RANBP2: variants seen among roughly 807,000 people sequenced by gnomAD.
RANBP2 encodes E3 SUMO-protein ligase RanBP2.
Under a neutral mutation model 303.6 loss-of-function variants are expected in RANBP2, and 57 were observed. The ratio of observed to expected loss-of-function variants is 0.19; its 90% CI spans 0.15 to 0.23. The LOEUF (loss-of-function observed/expected upper bound fraction) is 0.23. Among genes scored for constraint, RANBP2 ranks in the 10% least tolerant of loss-of-function variants. The pLI, the probability that RANBP2 is intolerant of heterozygous loss-of-function variation, is 1.00. For missense variants in RANBP2, 3,138 were observed against 3,780.8 expected (o/e 0.83, Z 4.46); for synonymous variants, 1,167 against 1,301.5 (o/e 0.90, Z 2.23).
the RANBP2 span, among the ~76,000 whole-genome samples, chr2:109,117,433 C>T: frequency 4.1e-3 from 627 of 152,326 alleles, 5 homozygotes; most frequent in African/African-American, 0.014. Flanking sequence ...TAGGACCCTC[C>T]GAGCTAGGTG....
chr2:109,162,022 C>T, the RANBP2 span, among the ~76,000 whole-genome samples: 1 of 152,122 alleles, frequency 6.6e-6, no homozygotes, highest in Non-Finnish European at 1.5e-5. Flanking sequence ...CTCCTCCAGC[C>T]CCCTCCTTGG....
At chr2:109,434,690 C>T in the RANBP2 span, among the ~76,000 whole-genome samples, 1 of 152,234 alleles carries the variant, frequency 6.6e-6, no homozygotes, top group African/African-American at 2.4e-5. Flanking sequence ...GGATGGACAG[C>T]TCTGCCCACG....
At chr2:109,013,847 G>A in the RANBP2 span, among the ~76,000 whole-genome samples, 2 of 152,142 alleles carry the variant, frequency 1.3e-5, no homozygotes, top group Admixed American at 1.3e-4. Context: ...AAAGTGCTGG[G>A]ATTACAGGCA....
chr2:108,915,652 C>T, the RANBP2 span, among the ~76,000 whole-genome samples: 1 of 152,186 alleles, frequency 6.6e-6, no homozygotes, highest in South Asian at 2.1e-4. Flanking sequence ...ATAATCCCAG[C>T]ACTTTGGGAG....
chr2:109,031,650 C>A, the RANBP2 span, among the ~76,000 whole-genome samples: 1 of 152,128 alleles, frequency 6.6e-6, no homozygotes, highest in Non-Finnish European at 1.5e-5. Flanking sequence ...GGGAAGCGCC[C>A]GCTGGAGGAA....
chr2:108,970,151 G>C, the RANBP2 span, among the ~76,000 whole-genome samples: 9 of 152,104 alleles, frequency 5.9e-5, no homozygotes, highest in Non-Finnish European at 1.3e-4. Flanking sequence ...GCACTGAGAG[G>C]GGAGCATCGC....
At chr2:109,030,462 G>T in the RANBP2 span, among the ~76,000 whole-genome samples, 2 of 152,204 alleles carry the variant, frequency 1.3e-5, no homozygotes, top group Non-Finnish European at 2.9e-5. Context: ...GTGTATAGTA[G>T]CACCTAGCAC....
At chr2:109,268,921 T>C in the RANBP2 span, among the ~76,000 whole-genome samples, 1 of 152,182 alleles carries the variant, frequency 6.6e-6, no homozygotes, top group African/African-American at 2.4e-5. Flanking sequence ...TGTAACCCCA[T>C]TATAAGTCAG....
At chr2:108,868,934 T>C in the RANBP2 span, among the ~76,000 whole-genome samples, 4 of 152,174 alleles carry the variant, frequency 2.6e-5, no homozygotes, top group African/African-American at 9.7e-5. Flanking sequence ...TCTATTTGAT[T>C]AAGCTATAAG....
At chr2:109,350,738 C>G in the RANBP2 span, among the ~76,000 whole-genome samples, 1 of 152,244 alleles carries the variant, frequency 6.6e-6, no homozygotes, top group Non-Finnish European at 1.5e-5. Flanking sequence ...CTCTGACAAC[C>G]TCCATGTGAA....
At chr2:109,634,174 C>T in the RANBP2 span, among the ~76,000 whole-genome samples, 1 of 138,612 alleles carries the variant, frequency 7.2e-6, no homozygotes, top group Non-Finnish European at 1.6e-5. Flanking sequence ...ATAGCTTTGA[C>T]TGAATGTATT....
chr2:108,797,794 T>A, the RANBP2 span, among the ~76,000 whole-genome samples: 1 of 152,094 alleles, frequency 6.6e-6, no homozygotes. Context: ...ATATAGGACA[T>A]GATGTATTCC....
intron 4 of RANBP2, 130 bp from the exon 5 acceptor site, chr2:108,735,402 A>G (rs1240152648): frequency 6.4e-7 from 1 of 1,555,688 alleles, no homozygotes; most frequent in Non-Finnish European, 8.7e-7. Context: ...TGAATAAGGT[A>G]TATAGGATGG....
chr2:109,251,390 C>T, the RANBP2 span: 1 of 676,350 alleles, frequency 1.5e-6, no homozygotes, highest in Non-Finnish European at 2.8e-6. Flanking sequence ...CATTCCTTTC[C>T]AAGGCATCTG....
the RANBP2 span, among the ~76,000 whole-genome samples, chr2:109,728,519 G>A: frequency 0.012 from 1,834 of 151,306 alleles, 37 homozygotes; most frequent in African/African-American, 0.042. Flanking sequence ...ACAGTGGCAC[G>A]ATCTTGGCTC....
the RANBP2 span, among the ~76,000 whole-genome samples, chr2:109,004,735 A>C: frequency 1.3e-5 from 2 of 152,116 alleles, no homozygotes; most frequent in Non-Finnish European, 2.9e-5. Context: ...TTCTGCCCTT[A>C]TTTCTTCCTT....
chr2:109,095,261 A>C, the RANBP2 span, among the ~76,000 whole-genome samples: 5 of 152,240 alleles, frequency 3.3e-5, no homozygotes, highest in Non-Finnish European at 7.3e-5. Context: ...TGGCTTACTT[A>C]TCAGGTTTTT....
At chr2:109,689,252 G>C in the RANBP2 span, among the ~76,000 whole-genome samples, 1 of 152,092 alleles carries the variant, frequency 6.6e-6, no homozygotes, top group African/African-American at 2.4e-5. Context: ...TGAAAATCTG[G>C]TAGGCAGTTA....
chr2:108,946,477 A>G, the RANBP2 span, among the ~76,000 whole-genome samples: 10 of 152,204 alleles, frequency 6.6e-5, no homozygotes, highest in Non-Finnish European at 1.2e-4. Context: ...TCTCTGGCCA[A>G]ACACATATTT....
Sources: allele counts gnomAD v4.1 joint callset (sites outside exome capture counted in the v4.1 genomes callset), GRCh38; gene constraint gnomAD v4.1.1; transcripts MANE v1.5; gene names NCBI Gene and HGNC (gene_info 2026-07-23, HGNC 2026-07-21).